Variants in TANC2 observed in about 807,000 individuals in gnomAD.
TANC2 encodes tetratricopeptide repeat, ankyrin repeat and coiled-coil containing 2.
In TANC2, 26 loss-of-function variants were observed where a neutral mutation model predicts 210.5. That is an observed-to-expected ratio of 0.12 (90% confidence interval 0.09 to 0.17). The LOEUF (loss-of-function observed/expected upper bound fraction) is 0.17, where lower values mean the gene tolerates loss of function less well. TANC2 is among the 10% of genes least tolerant of loss of function. The pLI, the probability that TANC2 is intolerant of heterozygous loss-of-function variation, is 1.00. For missense variants in TANC2, 2,129 were observed against 2,608.9 expected, an observed-to-expected ratio of 0.82 and a Z score of 4.01; for synonymous variants, 931 against 967.1, an observed-to-expected ratio of 0.96 and a Z score of 0.69.
At chr17:63,067,474 C>A (rs2036243740) in intron 2 of TANC2, among the ~76,000 whole-genome samples, 1 of 151,754 alleles carries the variant, frequency 6.6e-6, no homozygotes, top group South Asian at 2.1e-4. Context: ...TAAATCAACA[C>A]CCTATTTTTT....
intron 7 of TANC2, among the ~76,000 whole-genome samples, chr17:63,231,302 G>C (rs564205846): frequency 6.6e-6 from 1 of 152,278 alleles, no homozygotes; most frequent in East Asian, 1.9e-4. Flanking sequence ...CTGTCATCAT[G>C]ATGCTAGCTG....
chr17:63,266,279 A>G (rs1764016078), intron 8 of TANC2, among the ~76,000 whole-genome samples: 1 of 152,120 alleles, frequency 6.6e-6, no homozygotes, highest in South Asian at 2.1e-4. Flanking sequence ...CTTTAGTAAA[A>G]TGTTTCCTTG....
chr17:63,206,706 G>A (rs1015316476), intron 7 of TANC2, among the ~76,000 whole-genome samples: 3 of 152,122 alleles, frequency 2.0e-5, no homozygotes, highest in Non-Finnish European at 2.9e-5. Flanking sequence ...CTGCAGCGGC[G>A]TGGGGAGTTG....
intron 20 of TANC2, 45 bp downstream of exon 20, chr17:63,405,300 C>A: frequency 1.3e-6 from 2 of 1,492,194 alleles, no homozygotes; most frequent in South Asian, 1.3e-5. Context: ...GGACTGAGTT[C>A]TAGGTGAGGA....
At chr17:63,278,358 T>A (rs536819490) in intron 9 of TANC2, among the ~76,000 whole-genome samples, 3 of 151,924 alleles carry the variant, frequency 2.0e-5, no homozygotes, top group African/African-American at 7.3e-5. Context: ...AAATAGCCAA[T>A]AGGTATATGA....
chr17:63,198,564 C>T (rs2041423218), intron 6 of TANC2, among the ~76,000 whole-genome samples: 1 of 152,170 alleles, frequency 6.6e-6, no homozygotes, highest in South Asian at 2.1e-4. Context: ...AGTTCATCTA[C>T]TCACATGTGT....
Position 63,418,873 on chromosome 17 carries a change from C to T in TANC2, c.4268+466C>T, listed in dbSNP as rs765788439. Among the ~76,000 whole-genome samples the T allele has an allele frequency of 3.9e-5, 6 of 152,170 alleles. No individual in the cohort carries two copies. The highest frequency in any genetic ancestry group is 7.3e-5 in the Non-Finnish European group (5 of 68,040). On this transcript the variant is annotated intron_variant, in intron 27 of 27. Coordinates refer to ENST00000689528, the Ensembl canonical transcript of TANC2. This position sits in a 1 kb window ranked among gnomAD's most constrained non-coding sequence, Gnocchi z 4.6. Reference sequence around the variant, plus strand: ...TAGTTAGTCTTCCCTCTGGGGCTCTCCTCAAGTCTGGTGGCATCAGACCCC... The same window carrying T: ...TAGTTAGTCTTCCCTCTGGGGCTCTTCTCAAGTCTGGTGGCATCAGACCCC...
At chr17:63,204,755 T>C (rs1349718500) in intron 7 of TANC2, among the ~76,000 whole-genome samples, 2 of 152,124 alleles carry the variant, frequency 1.3e-5, no homozygotes, top group East Asian at 1.9e-4. Flanking sequence ...TCAAAACTTA[T>C]TACAAAGCTA....
intron 7 of TANC2, among the ~76,000 whole-genome samples, chr17:63,225,409 A>G (rs1019489629): frequency 1.3e-5 from 2 of 152,018 alleles, no homozygotes; most frequent in African/African-American, 4.8e-5. Flanking sequence ...TCACTCTACA[A>G]ACTTCTTAAG....
intron 14 of TANC2, among the ~76,000 whole-genome samples, chr17:63,363,211 A>G (rs995742629): frequency 1.3e-5 from 2 of 151,906 alleles, no homozygotes; most frequent in Non-Finnish European, 2.9e-5. Context: ...ATATTATTAG[A>G]TTTTTTCCTA....
At chr17:63,331,588 C>T (rs1026813797) in intron 11 of TANC2, among the ~76,000 whole-genome samples, 2 of 152,160 alleles carry the variant, frequency 1.3e-5, no homozygotes, top group African/African-American at 4.8e-5. Context: ...TTTTAAAAAT[C>T]ACTCAGCATT....
At chr17:63,258,406 T>C (rs1378892528) in intron 8 of TANC2, among the ~76,000 whole-genome samples, 3 of 152,208 alleles carry the variant, frequency 2.0e-5, no homozygotes, top group African/African-American at 4.8e-5. Context: ...TCTGTTATTC[T>C]CCCTTTGAAT....
intron 13 of TANC2, among the ~76,000 whole-genome samples, chr17:63,352,903 A>G (rs1407885750): frequency 2.0e-5 from 3 of 152,160 alleles, no homozygotes; most frequent in Non-Finnish European, 2.9e-5. Flanking sequence ...CTTATATTTT[A>G]GTAAGGAACA....
chr17:63,231,222 CTCTG>C (rs1189146172), intron 7 of TANC2, among the ~76,000 whole-genome samples: 1 of 151,928 alleles, frequency 6.6e-6, no homozygotes, highest in Non-Finnish European at 1.5e-5. Flanking sequence ...CAGCTTGCCA[CTCTG>C]TCTTTTAATT....
chr17:63,036,036 T>G (rs1241967926), intron 2 of TANC2, among the ~76,000 whole-genome samples: 1 of 152,180 alleles, frequency 6.6e-6, no homozygotes, highest in African/African-American at 2.4e-5. Flanking sequence ...TTTATTTGGT[T>G]GTTTGTTTTC....
chr17:63,160,358 A>G (rs971553020), intron 5 of TANC2, among the ~76,000 whole-genome samples: 2 of 152,214 alleles, frequency 1.3e-5, no homozygotes, highest in Admixed American at 1.3e-4. Flanking sequence ...TTGGCAACAT[A>G]GTGAGACCCC....
intron 9 of TANC2, among the ~76,000 whole-genome samples, chr17:63,291,148 T>C (rs2044371781): frequency 6.6e-6 from 1 of 152,244 alleles, no homozygotes; most frequent in South Asian, 2.1e-4. Flanking sequence ...ACCTGTGACA[T>C]GCACAGAGCT....
At position 63,330,555 on chromosome 17, in the gene TANC2, G is replaced by T. The variant is rs184103537; in HGVS notation, c.1576-9546G>T. On this transcript the variant is annotated intron_variant, in intron 11 of 27. Coordinates refer to ENST00000689528, the Ensembl canonical transcript of TANC2. ...AATTTAAAATACAAGTCATCTTTTT[G>T]ATTTGCAGCACCTGACTTAAAATAT... Among the ~76,000 whole-genome samples the T allele has an allele frequency of 1.2e-3, 179 of 152,214 alleles. 1 individual carries two copies. The highest frequency in any genetic ancestry group is 4.1e-3 in the African/African-American group (172 of 41,534).
chr17:63,059,136 T>A (rs927597155), intron 2 of TANC2, among the ~76,000 whole-genome samples: 1 of 151,850 alleles, frequency 6.6e-6, no homozygotes, highest in Non-Finnish European at 1.5e-5. Context: ...TTTTTTTATG[T>A]TTTTTTTAAA....
Sources: gnomAD v4.1 joint callset for allele counts (sites outside exome capture counted in the v4.1 genomes callset) on GRCh38, gnomAD v4.1.1 for gene constraint, Gnocchi (gnomAD v3.1) non-coding constraint, MANE v1.5 for transcripts, NCBI Gene and HGNC (gene_info 2026-07-23, HGNC 2026-07-21) for gene names.